NRXN3: variants seen among roughly 807,000 people sequenced by gnomAD.
NRXN3 encodes the protein neurexin 3.
In NRXN3, 32 loss-of-function variants were observed where a neutral mutation model predicts 137.6. That is an observed-to-expected ratio of 0.23 (90% CI 0.18 to 0.31). NRXN3 has a LOEUF of 0.31. Among genes scored for constraint, NRXN3 ranks in the 10% least tolerant of loss-of-function variants. The pLI is 1.00. For missense variants in NRXN3, 1,574 were observed against 2,062.5 expected (o/e 0.76, Z 4.59); for synonymous variants, 798 against 784.5 (o/e 1.02, Z -0.29).
intron 4 of NRXN3, among the ~76,000 whole-genome samples, chr14:78,639,651 A>C (rs1319246497): frequency 6.6e-6 from 1 of 152,128 alleles, no homozygotes; most frequent in Non-Finnish European, 1.5e-5. Flanking sequence ...AACAGGTTGA[A>C]CCTCATGCAG....
rs185301953 is a variant in NRXN3 at position 79,561,196 on chromosome 14, T to C, written c.3444+93794T>C. Among the ~76,000 whole-genome samples, 103 of 152,268 alleles carry C rather than the reference T, an allele frequency of 6.8e-4. 1 individual carries two copies. Among genetic ancestry groups the C allele is most frequent in the Admixed American group, 5.6e-3 (86 of 15,298 alleles). On this transcript the variant is annotated intron_variant, in intron 16 of 20. Transcript: ENST00000335750. ...CTGCAAGAGACGGATGTTGTCAAAT[T>C]GTCTTTCTCCAGCTGTTGAATACAA... is the stretch of plus-strand genomic sequence containing the variant.
At chr14:78,752,154 C>T (rs2098645902) in intron 8 of NRXN3, among the ~76,000 whole-genome samples, 1 of 152,214 alleles carries the variant, frequency 6.6e-6, no homozygotes, top group African/African-American at 2.4e-5. Context: ...CCTGTAATCC[C>T]AGCACTTTGG....
chr14:78,253,558 C>G (rs989094346), intron 2 of NRXN3, among the ~76,000 whole-genome samples: 1 of 151,960 alleles, frequency 6.6e-6, no homozygotes, highest in Non-Finnish European at 1.5e-5. Context: ...GCCTGTGGTG[C>G]CAGCTACTTG....
chr14:78,584,481 C>T (rs1333877591), intron 4 of NRXN3, among the ~76,000 whole-genome samples: 2 of 152,148 alleles, frequency 1.3e-5, no homozygotes, highest in Admixed American at 6.5e-5. Flanking sequence ...AAAGGCTGAA[C>T]ATCATTGTCC....
At chr14:78,220,267 T>C (rs542379746) in intron 1 of NRXN3, among the ~76,000 whole-genome samples, 2 of 152,020 alleles carry the variant, frequency 1.3e-5, no homozygotes, top group East Asian at 3.9e-4. Flanking sequence ...GATCTGGAGA[T>C]GGAGCTCCAG....
chr14:78,505,160 G>T (rs1406192434), intron 4 of NRXN3, among the ~76,000 whole-genome samples: 1 of 152,032 alleles, frequency 6.6e-6, no homozygotes, highest in African/African-American at 2.4e-5. Flanking sequence ...CTTACCAAGT[G>T]TGCAGGCTGA....
At chr14:79,740,219 C>T (rs1376371194) in intron 19 of NRXN3, among the ~76,000 whole-genome samples, 1 of 152,060 alleles carries the variant, frequency 6.6e-6, no homozygotes, top group East Asian at 1.9e-4. Flanking sequence ...TTTCTTTTGC[C>T]ACTGTCCTAC....
chr14:79,676,811 C>T (rs2098643268), intron 17 of NRXN3, among the ~76,000 whole-genome samples: 1 of 151,986 alleles, frequency 6.6e-6, no homozygotes, highest in African/African-American at 2.4e-5. Flanking sequence ...TTGCTGACCT[C>T]AATTTTGACT....
intron 2 of NRXN3, among the ~76,000 whole-genome samples, chr14:78,268,680 G>C (rs1164529114): frequency 2.6e-5 from 4 of 152,186 alleles, no homozygotes; most frequent in Non-Finnish European, 5.9e-5. Context: ...TTATTTATGA[G>C]ATGCCTGAAC....
intron 15 of NRXN3, chr14:79,201,299 C>T (rs1425897831): frequency 1.3e-5 from 2 of 152,066 alleles, no homozygotes; most frequent in Non-Finnish European, 2.9e-5. Context: ...TAGCATTTGT[C>T]TCTTATTGCC....
chr14:78,617,638 C>G (rs60568650), intron 4 of NRXN3, among the ~76,000 whole-genome samples: 4,460 of 152,044 alleles, frequency 0.029, 138 homozygotes, highest in East Asian at 0.18. Flanking sequence ...AAGGAAGAAG[C>G]TCTGGGTTGC....
chr14:79,532,341 A>C (rs2153721705), intron 16 of NRXN3, among the ~76,000 whole-genome samples: 1 of 152,346 alleles, frequency 6.6e-6, no homozygotes, highest in South Asian at 2.1e-4. Context: ...TTGATATTTA[A>C]AAAATGTAAG....
intron 17 of NRXN3, among the ~76,000 whole-genome samples, chr14:79,673,189 C>T (rs765228980): frequency 2.6e-5 from 4 of 152,038 alleles, no homozygotes; most frequent in African/African-American, 2.4e-5. Context: ...CAAAGCGGCA[C>T]TTTGAGTCTT....
intron 1 of NRXN3, chr14:78,231,645 C>G (rs1020396608): frequency 6.6e-6 from 1 of 152,186 alleles, no homozygotes; most frequent in African/African-American, 2.4e-5. Context: ...CTGAGATCTG[C>G]ACCCTTATTA....
intron 4 of NRXN3, among the ~76,000 whole-genome samples, chr14:78,626,318 T>C (rs1444644167): frequency 6.6e-6 from 1 of 152,186 alleles, no homozygotes; most frequent in Non-Finnish European, 1.5e-5. Context: ...TGTGTCAATA[T>C]AGTTTGTGTC....
intron 15 of NRXN3, among the ~76,000 whole-genome samples, chr14:79,389,356 T>C (rs1042732699): frequency 6.6e-6 from 1 of 152,188 alleles, no homozygotes; most frequent in African/African-American, 2.4e-5. Context: ...AATTTGGTTT[T>C]ATAGCAGATC....
At chr14:79,383,399 A>G (rs2094524035) in intron 15 of NRXN3, among the ~76,000 whole-genome samples, 1 of 152,142 alleles carries the variant, frequency 6.6e-6, no homozygotes, top group African/African-American at 2.4e-5. Context: ...GAGTAATTTT[A>G]CTATGAATCC....
chr14:79,620,538 C>T (rs576248859), intron 16 of NRXN3, among the ~76,000 whole-genome samples: 26 of 152,086 alleles, frequency 1.7e-4, no homozygotes, highest in Admixed American at 2.6e-4. Context: ...AAAAAGATGA[C>T]GACATTTTAA....
chr14:79,180,143 G>T (rs994706500), intron 15 of NRXN3, among the ~76,000 whole-genome samples: 4 of 152,060 alleles, frequency 2.6e-5, no homozygotes, highest in African/African-American at 9.7e-5. Flanking sequence ...TCAACATGTG[G>T]TTTGTGGCTT....
Sources: gnomAD v4.1 joint callset for allele counts (sites outside exome capture counted in the v4.1 genomes callset) on GRCh38, gnomAD v4.1.1 for gene constraint, MANE v1.5 for transcripts, NCBI Gene and HGNC (gene_info 2026-07-23, HGNC 2026-07-21) for gene names.